Variants in PDE6C observed in about 807,000 individuals in gnomAD.
The protein encoded by PDE6C is phosphodiesterase 6C.
Under a neutral mutation model 113.1 loss-of-function variants are expected in PDE6C, and 75 were observed. That is an observed-to-expected ratio of 0.66 (90% CI 0.55 to 0.80). The LOEUF (loss-of-function observed/expected upper bound fraction) is 0.80. Ranked by LOEUF, PDE6C falls within the 30% of genes least tolerant of loss-of-function variation. The pLI, the probability that PDE6C is intolerant of heterozygous loss-of-function variation, is 0.00. For synonymous variants in PDE6C, 375 were observed against 363.7 expected (o/e 1.03, Z -0.35); for missense variants, 912 against 1,038.6 (o/e 0.88, Z 1.67).
At chr10:93,633,486 A>T (rs541284750) in intron 8 of PDE6C, among the ~76,000 whole-genome samples, 167 of 149,834 alleles carry the variant, frequency 1.1e-3, no homozygotes, top group African/African-American at 3.9e-3. Context: ...AAAAATAAAA[A>T]AAAATAAACA....
intron 14 of PDE6C, among the ~76,000 whole-genome samples, chr10:93,641,331 A>T (rs747062480): frequency 2.4e-4 from 36 of 151,966 alleles, no homozygotes; most frequent in Admixed American, 7.2e-4. Flanking sequence ...TTGAATTCCT[A>T]TATTAAAGTG....
intron 12 of PDE6C, 84 bp downstream of exon 12, chr10:93,640,300 A>C: frequency 2.2e-6 from 3 of 1,384,454 alleles, no homozygotes. Flanking sequence ...AGATGGACTC[A>C]GTTTGAATTT....
In PDE6C at chr10:93,612,905, C is replaced by T. The variant is rs1191564784; in HGVS notation, c.180C>T (p.Ala60=). 1 of 1,614,006 alleles carries T rather than the reference C, an allele frequency of 6.2e-7. No individual in the cohort carries two copies. Among genetic ancestry groups the T allele is most frequent in the Non-Finnish European group, 8.5e-7 (1 of 1,180,026 alleles). ...AGCTGACCCAGGTGGAGGAGTCAGC[C>T]CTGTGCTTGGAGCTGCTGTGGACCG... The part of the protein sequence containing the change: ...FSELTQVEES[A]LCLELLWTVQ... Residue 60 remains alanine (A), a synonymous_variant, in exon 1 of 22, where the codon GCC becomes GCT. Coordinates refer to ENST00000371447, the MANE Select transcript of PDE6C (RefSeq NM_006204.4).
chr10:93,626,714 G>C lies in PDE6C; in HGVS notation c.1004+10G>C. ...AGATCAAAGTGATTCCGTGAGTATTGGCAGGAAGTTGCTGCCGCAGTTGCC... is the reference window on the plus strand; with the variant it reads ...AGATCAAAGTGATTCCGTGAGTATTCGCAGGAAGTTGCTGCCGCAGTTGCC... On this transcript the variant is annotated intron_variant, in intron 6 of 21. Transcript: ENST00000371447. 1 of 1,603,548 alleles carries C rather than the reference G, an allele frequency of 6.2e-7. No homozygotes were observed. Among genetic ancestry groups the C allele is most frequent in the East Asian group, 2.2e-5 (1 of 44,826 alleles).
In PDE6C at chr10:93,640,225, G is replaced by A. The variant is rs918515059; in HGVS notation, c.1629+9G>A. 8 of 1,609,992 alleles carry A rather than the reference G, an allele frequency of 5.0e-6. No homozygotes were observed. The highest frequency in any genetic ancestry group is 1.7e-5 in the Admixed American group (1 of 59,978). Reference sequence around the variant, plus strand: ...TCAAAGTACCTGTAGAGGTCAGAGGGTATTTAATTTAAAATACTGTGTGAT... The same window carrying A: ...TCAAAGTACCTGTAGAGGTCAGAGGATATTTAATTTAAAATACTGTGTGAT... On this transcript the variant is annotated intron_variant, in intron 12 of 21. Transcript: ENST00000371447.
intron 15 of PDE6C, 81 bp downstream of exon 15, chr10:93,646,128 G>T: frequency 1.2e-6 from 1 of 831,902 alleles, no homozygotes; most frequent in Non-Finnish European, 2.1e-6. Context: ...TGGAAAAAGG[G>T]TGGCCTTGAG....
At chr10:93,649,307 T>C (rs1390310585) in intron 15 of PDE6C, among the ~76,000 whole-genome samples, 1 of 152,174 alleles carries the variant, frequency 6.6e-6, no homozygotes, top group African/African-American at 2.4e-5. Flanking sequence ...ATATTACATA[T>C]TTATACATGT....
At chr10:93,663,890 G>T (rs944168804) in intron 21 of PDE6C, among the ~76,000 whole-genome samples, 9 of 152,162 alleles carry the variant, frequency 5.9e-5, no homozygotes, top group African/African-American at 1.9e-4. Context: ...TTATCACTCT[G>T]AAGGTTTTGT....
intron 4 of PDE6C, among the ~76,000 whole-genome samples, chr10:93,622,929 T>C (rs770572745): frequency 1.3e-5 from 2 of 152,218 alleles, no homozygotes; most frequent in Non-Finnish European, 2.9e-5. Context: ...AAAGCTGCTA[T>C]AACCATTGTA....
At chr10:93,632,770 T>A (rs1160740221) in intron 8 of PDE6C, among the ~76,000 whole-genome samples, 1 of 152,252 alleles carries the variant, frequency 6.6e-6, no homozygotes, top group Non-Finnish European at 1.5e-5. Flanking sequence ...GCATCTTTTT[T>A]CTAAAGCTTT....
intron 14 of PDE6C, among the ~76,000 whole-genome samples, chr10:93,643,496 C>G (rs2058569262): frequency 6.6e-6 from 1 of 152,028 alleles, no homozygotes; most frequent in Admixed American, 6.6e-5. Flanking sequence ...CCAAGCAATC[C>G]TCTCACCTCA....
At chr10:93,646,194 A>G in intron 15 of PDE6C, 147 bp downstream of exon 15, 1 of 625,446 alleles carries the variant, frequency 1.6e-6, no homozygotes, top group Non-Finnish European at 2.9e-6. Context: ...AAATTGCTAT[A>G]TTGAACTAGT....
rs185094441 is a variant in PDE6C, at chr10:93,624,527, C to T, written c.865-1048C>T. Among the ~76,000 whole-genome samples the T allele has an allele frequency of 2.3e-3, 355 of 152,298 alleles. 2 individuals carry two copies. Among genetic ancestry groups the T allele is most frequent in the African/African-American group, 8.1e-3 (336 of 41,544 alleles). On this transcript the variant is annotated intron_variant, in intron 4 of 21. Coordinates refer to ENST00000371447, the MANE Select transcript of PDE6C (RefSeq NM_006204.4). ...TGCTGGGATTACAGGCATGAGCCAC[C>T]GCACCTGGCCTTATTTATATTTCTT...
In PDE6C at chr10:93,662,586, T is replaced by C. The variant is rs2058671098; in HGVS notation, c.2310T>C (p.Asp770=). The C allele has an allele frequency of 2.3e-5, 34 of 1,506,714 alleles. No individual in the cohort carries two copies. The highest frequency in any genetic ancestry group is 3.0e-5 in the Non-Finnish European group (32 of 1,082,282). The allele number at this position is 1,506,714 out of a possible 1,614,324, so 93.3% of individuals were successfully genotyped here. A position where few individuals can be genotyped will look rare whatever the true frequency, so the allele number is the denominator to read the frequency against. ...CTATGATGGACAGAAACAAAAGAGA[T>C]GAATTACCTAAACTTCAAGTTGGAT... The part of the protein sequence containing the change: ...PIPMMDRNKR[D]ELPKLQVGFI... Residue 770 remains aspartate, a synonymous_variant, in exon 20 of 22, where the codon GAT becomes GAC. Coordinates refer to ENST00000371447, the MANE Select transcript of PDE6C (RefSeq NM_006204.4).
intron 14 of PDE6C, among the ~76,000 whole-genome samples, chr10:93,643,419 T>C (rs1390291529): frequency 2.0e-5 from 3 of 151,972 alleles, no homozygotes; most frequent in Non-Finnish European, 4.4e-5. Flanking sequence ...GGAGACAGGG[T>C]CTTACCCTGT....
At chr10:93,661,923 AAAGTT>A (rs1029966859) in intron 18 of PDE6C, 131 bp from the exon 19 acceptor site, 29 of 710,616 alleles carry the variant, frequency 4.1e-5, no homozygotes, top group Admixed American at 1.8e-4. Context: ...CCTCTTTTTA[AAAGTT>A]AAGAGCATAC....
rs2058488778 is a variant in PDE6C, at chr10:93,629,418, A to G, written c.1119+113A>G. On this transcript the variant is annotated intron_variant, in intron 8 of 21. Coordinates refer to ENST00000371447, the MANE Select transcript of PDE6C (RefSeq NM_006204.4). ...CTGATGCTCAGGTGTGGCCACAGGC[A>G]CACACGGGTCCATCTCCCACTCACC... 6.1e-6 allele frequency: 5 copies of G among 821,040 alleles called. No individual in the cohort carries two copies. The Admixed American group carries it at 8.6e-5, about 14-fold the overall frequency. The allele number at this position is 821,040 out of a possible 1,614,324, so 50.9% of individuals were successfully genotyped here. A position where few individuals can be genotyped will look rare whatever the true frequency, so the allele number is the denominator to read the frequency against.
In PDE6C at chr10:93,665,578, G is replaced by A. The variant is rs1589708285; in HGVS notation, c.*160G>A. The A allele has an allele frequency of 2.3e-5, 14 of 603,874 alleles. No individual in the cohort carries two copies. The highest frequency in any genetic ancestry group is 1.0e-4 in the South Asian group (5 of 48,004). The allele number at this position is 603,874 out of a possible 1,614,324, so 37.4% of individuals were successfully genotyped here. On this transcript the variant is annotated 3_prime_UTR_variant, in exon 22 of 22. Transcript: ENST00000371447. ...ATATTGCTAGCCCAAAAATCCCAGG[G>A]GCAAAATAAAGTTCAACAAAAGTGC...
chr10:93,637,028 G>T lies in PDE6C; in HGVS notation c.1447G>T (p.Asp483Tyr). The change falls in exon 11 of 22, where the codon GAC becomes TAC. Residue 483 changes from aspartate to tyrosine, a missense_variant. By Grantham distance (160) the Asp-to-Tyr change is radical. Transcript: ENST00000371447. ...FQEKLNVDVI[D>Y]DCEEKQLVAI... ...AGAGAAGTTAAATGTTGATGTAATTGACGACTGTGAAGAAAAACAACTTGT... is the reference window on the plus strand; with the variant it reads ...AGAGAAGTTAAATGTTGATGTAATTTACGACTGTGAAGAAAAACAACTTGT... 6.2e-7 allele frequency: 1 copy of T among 1,604,954 alleles called. No homozygotes were observed. Among genetic ancestry groups the T allele is most frequent in the South Asian group, 1.1e-5 (1 of 90,792 alleles).
Sources: gnomAD v4.1 joint callset for allele counts (sites outside exome capture counted in the v4.1 genomes callset) on GRCh38, gnomAD v4.1.1 for gene constraint, MANE v1.5 for transcripts, NCBI Gene and HGNC (gene_info 2026-07-23, HGNC 2026-07-21) for gene names.